CTNNA3: variants seen among roughly 807,000 people sequenced by gnomAD.
CTNNA3 encodes the protein catenin alpha-3.
In CTNNA3, 76 loss-of-function variants were observed where a neutral mutation model predicts 95.7. The observed-to-expected ratio is 0.79, with a 90% CI of 0.66 to 0.96. The LOEUF (loss-of-function observed/expected upper bound fraction) is 0.96, where lower values mean the gene tolerates loss of function less well. CTNNA3 is among the 40% of genes least tolerant of loss of function. The pLI, the probability that CTNNA3 is intolerant of heterozygous loss-of-function variation, is 0.00. For synonymous variants in CTNNA3, 431 were observed against 374.4 expected (o/e 1.15, Z -1.74); for missense variants, 1,191 against 1,089.8 (o/e 1.09, Z -1.31).
At chr10:66,803,920 A>T (rs953858455) in intron 7 of CTNNA3, among the ~76,000 whole-genome samples, 2 of 151,748 alleles carry the variant, frequency 1.3e-5, no homozygotes, top group Non-Finnish European at 2.9e-5. Flanking sequence ...TATGACACTG[A>T]TATACAAACT....
At chr10:67,487,979 G>A (rs1848508180) in intron 5 of CTNNA3, among the ~76,000 whole-genome samples, 2 of 152,236 alleles carry the variant, frequency 1.3e-5, no homozygotes, top group Admixed American at 6.5e-5. Context: ...GCTTAGGACA[G>A]AAGGAGGAGA....
At chr10:67,533,480 T>C (rs913590390) in intron 4 of CTNNA3, among the ~76,000 whole-genome samples, 16 of 152,160 alleles carry the variant, frequency 1.1e-4, no homozygotes, top group African/African-American at 3.6e-4. Context: ...ATGGTGACAA[T>C]AGAGCCAAAA....
chr10:66,710,658 A>T (rs925169944), intron 9 of CTNNA3, among the ~76,000 whole-genome samples: 2 of 151,940 alleles, frequency 1.3e-5, no homozygotes, highest in Non-Finnish European at 2.9e-5. Flanking sequence ...AGCATTCATA[A>T]TTATATATAA....
intron 7 of CTNNA3, among the ~76,000 whole-genome samples, chr10:66,782,339 C>G (rs989161073): frequency 1.3e-5 from 2 of 152,112 alleles, no homozygotes; most frequent in African/African-American, 4.8e-5. Context: ...ACTAAACCAA[C>G]TGGCTGATTT....
intron 11 of CTNNA3, among the ~76,000 whole-genome samples, chr10:66,511,741 A>G (rs1332688687): frequency 2.0e-5 from 3 of 151,920 alleles, no homozygotes; most frequent in Non-Finnish European, 2.9e-5. Flanking sequence ...GTATAATTGC[A>G]TTTTTGAAAA....
intron 7 of CTNNA3, among the ~76,000 whole-genome samples, chr10:66,878,848 G>C (rs1016320369): frequency 4.6e-5 from 7 of 152,128 alleles, no homozygotes; most frequent in African/African-American, 1.7e-4. Context: ...TTTGTGAATA[G>C]ATTCATCCAC....
chr10:67,584,887 T>A (rs1009718521), intron 3 of CTNNA3, among the ~76,000 whole-genome samples: 1 of 152,242 alleles, frequency 6.6e-6, no homozygotes, highest in East Asian at 1.9e-4. Context: ...TATAATCTCC[T>A]GGTGTGCCGT....
At chr10:67,726,228 C>CATTATAT (rs1385164860) in intron 1 of CTNNA3, among the ~76,000 whole-genome samples, 2 of 88,250 alleles carry the variant, frequency 2.3e-5, no homozygotes, top group Non-Finnish European at 3.8e-5. Flanking sequence ...ATACATCATA[C>CATTATAT]ATTATATATT....
At chr10:66,671,537 C>T (rs147693065) in intron 9 of CTNNA3, among the ~76,000 whole-genome samples, 62 of 152,138 alleles carry the variant, frequency 4.1e-4, no homozygotes, top group Non-Finnish European at 5.9e-4. Context: ...TGAAAATGGC[C>T]GATTTTAAAG....
chr10:67,191,733 GAA>G (rs1863128778), intron 6 of CTNNA3, among the ~76,000 whole-genome samples: 1 of 151,762 alleles, frequency 6.6e-6, no homozygotes, highest in Non-Finnish European at 1.5e-5. Context: ...ATTCTTCAAA[GAA>G]ATAGAAAAAA....
At chr10:67,743,453 G>C (rs906384350) in intron 1 of CTNNA3, among the ~76,000 whole-genome samples, 5 of 150,952 alleles carry the variant, frequency 3.3e-5, no homozygotes, top group South Asian at 4.3e-4. Flanking sequence ...ATTCAACAAC[G>C]CTTCATGCTA....
intron 11 of CTNNA3, among the ~76,000 whole-genome samples, chr10:66,440,540 CA>C (rs2093368016): frequency 6.6e-6 from 1 of 152,142 alleles, no homozygotes; most frequent in South Asian, 2.1e-4. Context: ...CTTAGGGCCT[CA>C]AGCTCTTACG....
chr10:66,439,190 A>G (rs1414943343), intron 11 of CTNNA3, among the ~76,000 whole-genome samples: 1 of 152,208 alleles, frequency 6.6e-6, no homozygotes, highest in Non-Finnish European at 1.5e-5. Context: ...GTTGTAATCT[A>G]ATTATAACTT....
intron 7 of CTNNA3, among the ~76,000 whole-genome samples, chr10:66,866,450 T>G (rs1844182784): frequency 6.6e-6 from 1 of 152,212 alleles, no homozygotes; most frequent in Non-Finnish European, 1.5e-5. Context: ...TTTGTGCAAC[T>G]TTTGTGACCA....
intron 3 of CTNNA3, among the ~76,000 whole-genome samples, chr10:67,562,572 C>G (rs1443593043): frequency 6.6e-6 from 1 of 152,180 alleles, no homozygotes; most frequent in Non-Finnish European, 1.5e-5. Context: ...CCTTTGAAAA[C>G]TGGCACAAGA....
At position 66,921,497 on chromosome 10, in the gene CTNNA3, A is replaced by G. The variant is rs753419150; in HGVS notation, c.1048-145973T>C. Among the ~76,000 whole-genome samples the G allele has an allele frequency of 1.2e-4, 18 of 152,124 alleles. 1 individual carries two copies. The highest frequency in any genetic ancestry group is 3.9e-4 in the Admixed American group (6 of 15,268). On this transcript the variant is annotated intron_variant, in intron 7 of 17. Coordinates refer to ENST00000433211, the MANE Select transcript of CTNNA3 (RefSeq NM_013266.4). ...TCATCCAAAGCCCTCCATGACCTCC[A>G]TCTCCAATTATTCTATCACTTGGTC...
chr10:67,221,745 T>G (rs1864669551), intron 5 of CTNNA3, among the ~76,000 whole-genome samples: 1 of 151,982 alleles, frequency 6.6e-6, no homozygotes, highest in Admixed American at 6.5e-5. Context: ...CAGCTAATTT[T>G]TTGTATTTTT....
chr10:66,827,128 C>G (rs1037478258), intron 7 of CTNNA3, among the ~76,000 whole-genome samples: 10 of 152,228 alleles, frequency 6.6e-5, no homozygotes, highest in African/African-American at 2.4e-4. Flanking sequence ...TGCAGGCTAT[C>G]TACTAGTCTC....
intron 13 of CTNNA3, among the ~76,000 whole-genome samples, chr10:66,251,477 A>G (rs902692238): frequency 6.6e-6 from 1 of 152,146 alleles, no homozygotes; most frequent in African/African-American, 2.4e-5. Flanking sequence ...TTTATAAGTT[A>G]TTCATGGCTA....
Sources: allele counts gnomAD v4.1 joint callset (sites outside exome capture counted in the v4.1 genomes callset), GRCh38; gene constraint gnomAD v4.1.1; transcripts MANE v1.5; gene names NCBI Gene and HGNC (gene_info 2026-07-23, HGNC 2026-07-21).